Variants in CFAP96 observed in about 807,000 individuals in gnomAD.
CFAP96 encodes the protein cilia and flagella associated protein 96.
At chr4:185,431,890 C>A in the CFAP96 span, 1 of 1,083,368 alleles carries the variant, frequency 9.2e-7, no homozygotes, top group Non-Finnish European at 1.3e-6. Context: ...CATAATTGGC[C>A]CAAATCATAT....
At chr4:185,439,279 T>A in the CFAP96 span, among the ~76,000 whole-genome samples, 1 of 152,032 alleles carries the variant, frequency 6.6e-6, no homozygotes, top group African/African-American at 2.4e-5. Flanking sequence ...ATAGAATAAA[T>A]TTTCAGTACC....
chr4:185,417,677 T>C, the CFAP96 span, among the ~76,000 whole-genome samples: 370 of 152,252 alleles, frequency 2.4e-3, 7 homozygotes, highest in East Asian at 0.03. Context: ...TGAAGACGCA[T>C]CTCCATTTTC....
the CFAP96 span, among the ~76,000 whole-genome samples, chr4:185,442,179 G>T: frequency 6.6e-6 from 1 of 151,756 alleles, no homozygotes; most frequent in African/African-American, 2.4e-5. Flanking sequence ...AAGTTATGCT[G>T]GTTATTCTGT....
chr4:185,432,235 C>T, the CFAP96 span: 6 of 1,409,762 alleles, frequency 4.3e-6, no homozygotes, highest in East Asian at 5.0e-5. Flanking sequence ...TTAAATATAC[C>T]TCCTGTACCT....
At chr4:185,435,878 ACATAT>A in the CFAP96 span, among the ~76,000 whole-genome samples, 1 of 39,546 alleles carries the variant, frequency 2.5e-5, no homozygotes, top group Non-Finnish European at 8.3e-5. Flanking sequence ...AATATTAAAA[ACATAT>A]CTTATGTCAA....
the CFAP96 span, among the ~76,000 whole-genome samples, chr4:185,443,342 A>AT: frequency 4.1e-3 from 110 of 26,716 alleles, 4 homozygotes; most frequent in African/African-American, 0.012. Context: ...ATATATATAT[A>AT]TTTTTTTTTT....
At chr4:185,414,444 A>G in the CFAP96 span, among the ~76,000 whole-genome samples, 1 of 152,290 alleles carries the variant, frequency 6.6e-6, no homozygotes, top group Non-Finnish European at 1.5e-5. Flanking sequence ...AAAGTTTGAC[A>G]TGTTCTTTAT....
At chr4:185,416,756 A>G in the CFAP96 span, among the ~76,000 whole-genome samples, 2 of 152,240 alleles carry the variant, frequency 1.3e-5, no homozygotes, top group African/African-American at 4.8e-5. Flanking sequence ...AAGGCACTGG[A>G]GCCAGCTTGA....
At chr4:185,413,058 C>A in the CFAP96 span, among the ~76,000 whole-genome samples, 1 of 152,160 alleles carries the variant, frequency 6.6e-6, no homozygotes, top group Non-Finnish European at 1.5e-5. Flanking sequence ...GTAATCCCAG[C>A]ACTTTGGGAG....
At chr4:185,442,827 T>A in the CFAP96 span, among the ~76,000 whole-genome samples, 1 of 152,192 alleles carries the variant, frequency 6.6e-6, no homozygotes, top group Non-Finnish European at 1.5e-5. Flanking sequence ...ACTCCCCACT[T>A]TTTACTTGTC....
chr4:185,411,343 A>T, the CFAP96 span, among the ~76,000 whole-genome samples: 1 of 152,206 alleles, frequency 6.6e-6, no homozygotes, highest in Non-Finnish European at 1.5e-5. Flanking sequence ...CCAAGGAAAG[A>T]TCATACCACT....
At chr4:185,441,977 T>C in the CFAP96 span, among the ~76,000 whole-genome samples, 3 of 152,144 alleles carry the variant, frequency 2.0e-5, no homozygotes, top group Admixed American at 6.5e-5. Flanking sequence ...ATATGACTGA[T>C]GGAATAATTC....
the CFAP96 span, among the ~76,000 whole-genome samples, chr4:185,429,853 G>C: frequency 0.012 from 1,865 of 151,148 alleles, 36 homozygotes; most frequent in African/African-American, 0.043. Context: ...TGTGGAGTAG[G>C]GCGGGGGAGC....
chr4:185,425,884 G>T, the CFAP96 span: 25 of 1,600,512 alleles, frequency 1.6e-5, no homozygotes, highest in Middle Eastern at 1.7e-4. Flanking sequence ...CGACGTGGCG[G>T]TGACACGGGC....
At chr4:185,433,100 G>A in the CFAP96 span, among the ~76,000 whole-genome samples, 16 of 152,042 alleles carry the variant, frequency 1.1e-4, 1 homozygote, top group Non-Finnish European at 2.4e-4. Context: ...TACTCATGAG[G>A]TTTAACAGTA....
chr4:185,436,232 A>T, the CFAP96 span: 1 of 1,541,644 alleles, frequency 6.5e-7, no homozygotes, highest in Non-Finnish European at 8.8e-7. Context: ...GAAATTTAAA[A>T]AAATTAAATT....
At chr4:185,420,183 GT>G in the CFAP96 span, among the ~76,000 whole-genome samples, 150,971 of 152,118 alleles carry the variant, frequency 0.99, 74,925 homozygotes, top group East Asian at 1. Flanking sequence ...GTCACGGTTG[GT>G]TTTTTTTTCC....
the CFAP96 span, among the ~76,000 whole-genome samples, chr4:185,437,651 C>A: frequency 6.6e-6 from 1 of 152,142 alleles, no homozygotes; most frequent in Non-Finnish European, 1.5e-5. Context: ...AGCTAGTTTT[C>A]ATCTGTAGGG....
chr4:185,415,373 T>C, the CFAP96 span: 1 of 1,518,068 alleles, frequency 6.6e-7, no homozygotes, highest in Non-Finnish European at 8.8e-7. Flanking sequence ...TATAAGTGTA[T>C]TAACAAAAGT....
Sources: allele counts gnomAD v4.1 joint callset (sites outside exome capture counted in the v4.1 genomes callset), GRCh38; gene constraint gnomAD v4.1.1; transcripts MANE v1.5; gene names NCBI Gene and HGNC (gene_info 2026-07-23, HGNC 2026-07-21).